ABLIM1: variants seen among roughly 807,000 people sequenced by gnomAD.
ABLIM1 encodes the protein actin-binding LIM protein 1.
Under a neutral mutation model 107.0 loss-of-function variants are expected in ABLIM1, and 40 were observed. The observed-to-expected ratio is 0.37, with a 90% CI of 0.29 to 0.49. ABLIM1 has a LOEUF of 0.49. Among genes scored for constraint, ABLIM1 ranks in the 20% least tolerant of loss-of-function variants. The pLI is 0.97. For synonymous variants in ABLIM1, 357 were observed against 357.3 expected (o/e 1.00, Z 0.01); for missense variants, 857 against 1,008.5 (o/e 0.85, Z 2.04).
chr10:114,445,236 C>T (rs2139359677), intron 16 of ABLIM1, 76 bp downstream of exon 16: 1 of 1,337,776 alleles, frequency 7.5e-7, no homozygotes, highest in Non-Finnish European at 1.1e-6. Context: ...ATGGTTTATA[C>T]ATAGTAGTCA....
intron 1 of ABLIM1, among the ~76,000 whole-genome samples, chr10:114,720,637 A>T (rs553857904): frequency 6.6e-6 from 1 of 152,322 alleles, no homozygotes; most frequent in East Asian, 1.9e-4. Context: ...GACTTCCAGT[A>T]TCCTTTGAAT....
chr10:114,585,827 A>C (rs550320168), intron 2 of ABLIM1, among the ~76,000 whole-genome samples: 73 of 152,226 alleles, frequency 4.8e-4, no homozygotes, highest in Admixed American at 1.4e-3. Flanking sequence ...GACACAAAAC[A>C]ATGATTGACA....
At chr10:114,651,138 A>C (rs1276332456) in intron 1 of ABLIM1, among the ~76,000 whole-genome samples, 1 of 152,150 alleles carries the variant, frequency 6.6e-6, no homozygotes, top group Non-Finnish European at 1.5e-5. Flanking sequence ...GCAGGGGGAC[A>C]ATTTAATGCC....
chr10:114,571,011 A>C (rs1205480302), intron 4 of ABLIM1, among the ~76,000 whole-genome samples: 1 of 152,106 alleles, frequency 6.6e-6, no homozygotes, highest in Non-Finnish European at 1.5e-5. Context: ...CTCCACACCT[A>C]GGCTGATGCT....
chr10:114,681,930 G>C (rs905395488), intron 1 of ABLIM1, among the ~76,000 whole-genome samples: 22 of 152,236 alleles, frequency 1.4e-4, no homozygotes, highest in African/African-American at 3.9e-4. Context: ...AGTGGCAGCT[G>C]TGACTGCCTT....
At position 114,436,303 on chromosome 10, in the gene ABLIM1, A is replaced by C. The variant is rs1235615364; in HGVS notation, c.2294T>G (p.Leu765Arg). The C allele has an allele frequency of 1.2e-6, 2 of 1,613,970 alleles. No individual in the cohort carries two copies. The highest frequency in any genetic ancestry group is 1.7e-6 in the Non-Finnish European group (2 of 1,180,012). ...TTTCTTCATGTCGTTGCGTCTCCAAAGAGGTAACCTGTCAAACTCCTGTAT... is the reference window on the plus strand; with the variant it reads ...TTTCTTCATGTCGTTGCGTCTCCAACGAGGTAACCTGTCAAACTCCTGTAT... ...MSIQEFDRLP[L>R]WRRNDMKKKA... Residue 765 changes from leucine to arginine, a missense_variant, in exon 23 of 23, where the codon CTT (leucine) becomes CGT (arginine). Coordinates refer to ENST00000533213, the MANE Select transcript of ABLIM1 (RefSeq NM_002313.7).
In ABLIM1 at chr10:114,434,329, AC is replaced by A. The variant is rs1298624481; in HGVS notation, c.*1930del. On this transcript the variant is annotated 3_prime_UTR_variant, in exon 23 of 23. Coordinates refer to ENST00000533213, the MANE Select transcript of ABLIM1 (RefSeq NM_002313.7). ...CACACACACACACACACACACACAC[AC>A]GAGAGTAGTCCTCATTCAGTGCATA... The A allele has an allele frequency of 2.8e-5, 4 of 144,158 alleles. No individual in the cohort carries two copies. The highest frequency in any genetic ancestry group is 6.0e-5 in the Non-Finnish European group (4 of 66,656). 8.9% of individuals were successfully genotyped at this position (144,158 alleles called of 1,614,324 possible). A position where few individuals can be genotyped will look rare whatever the true frequency, so the allele number is the denominator to read the frequency against.
intron 1 of ABLIM1, among the ~76,000 whole-genome samples, chr10:114,745,258 GT>G (rs773733176): frequency 2.6e-4 from 39 of 152,146 alleles, no homozygotes; most frequent in Non-Finnish European, 4.9e-4. Flanking sequence ...TCCACAAATG[GT>G]TAACTTAAAA....
At chr10:114,796,026 G>C in the ABLIM1 span, among the ~76,000 whole-genome samples, 1 of 152,130 alleles carries the variant, frequency 6.6e-6, no homozygotes, top group African/African-American at 2.4e-5. Flanking sequence ...AGGAGGCCAA[G>C]ATATCCTCAG....
intron 16 of ABLIM1, among the ~76,000 whole-genome samples, chr10:114,444,624 T>C (rs540521112): frequency 1.5e-4 from 23 of 152,342 alleles, no homozygotes; most frequent in African/African-American, 5.5e-4. Flanking sequence ...TTTTGATTTA[T>C]ATCTATCTAG....
At chr10:114,785,645 T>C in the ABLIM1 span, among the ~76,000 whole-genome samples, 1 of 152,180 alleles carries the variant, frequency 6.6e-6, no homozygotes, top group South Asian at 2.1e-4. Context: ...CAATTATCTT[T>C]TTGGATTATA....
intron 1 of ABLIM1, among the ~76,000 whole-genome samples, chr10:114,767,614 C>T (rs2082928743): frequency 6.8e-6 from 1 of 147,058 alleles, no homozygotes; most frequent in Admixed American, 6.8e-5. Context: ...GGGGAATTTA[C>T]TTTTTTTTTT....
intron 15 of ABLIM1, 134 bp from the exon 16 acceptor site, chr10:114,445,537 C>T: frequency 1.4e-6 from 1 of 719,150 alleles, no homozygotes; most frequent in Non-Finnish European, 2.4e-6. Flanking sequence ...GTAAACAATA[C>T]AAGAGAAAAC....
At chr10:114,491,514 C>T (rs965281609) in intron 7 of ABLIM1, among the ~76,000 whole-genome samples, 35 of 152,032 alleles carry the variant, frequency 2.3e-4, no homozygotes, top group Admixed American at 1.0e-3. Flanking sequence ...TTCACTCTTC[C>T]CTCACATCCG....
chr10:114,444,413 A>G (rs1029519632), intron 16 of ABLIM1, among the ~76,000 whole-genome samples: 1 of 152,182 alleles, frequency 6.6e-6, no homozygotes, highest in African/African-American at 2.4e-5. Flanking sequence ...AAGAGCCAGG[A>G]GACCTCAGAA....
Position 114,673,713 on chromosome 10 carries a change from T to C in ABLIM1, c.64+10577A>G, listed in dbSNP as rs148024824. On this transcript the variant is annotated intron_variant, in intron 1 of 23. Transcript: ENST00000369256. ...CTCATGGTACCACAATTTATAATTA[T>C]GCAGTTGTCTGACTTCTCAAAAGCC... Among the ~76,000 whole-genome samples, 3 of 152,376 alleles carry C rather than the reference T, an allele frequency of 2.0e-5. No homozygotes were observed. The East Asian group carries it at 5.8e-4, about 29-fold the overall frequency.
intron 1 of ABLIM1, among the ~76,000 whole-genome samples, chr10:114,649,569 G>A (rs185549099): frequency 6.6e-6 from 1 of 151,870 alleles, no homozygotes; most frequent in African/African-American, 2.4e-5. Context: ...TTCTGCAAAG[G>A]GTTTCTCTAG....
intron 1 of ABLIM1, among the ~76,000 whole-genome samples, chr10:114,603,748 C>T (rs1443647152): frequency 6.6e-6 from 1 of 151,540 alleles, no homozygotes; most frequent in Non-Finnish European, 1.5e-5. Flanking sequence ...GAGGTCAGGA[C>T]TTCGAGACCA....
At position 114,638,610 on chromosome 10, in the gene ABLIM1, C is replaced by T. The variant is rs1566156135; in HGVS notation, c.244+19347G>A. Among the ~76,000 whole-genome samples, 3 of 149,306 alleles carry T rather than the reference C, an allele frequency of 2.0e-5. No homozygotes were observed. The Admixed American group carries it at 2.0e-4, about 10-fold the overall frequency. ...AGAGGTTGTTAAAGAGCCTCTCGTC[C>T]CATGCCCTGCCTACACACACACACA... On this transcript the variant is annotated intron_variant, in intron 1 of 22. Transcript: ENST00000533213.
Sources: allele counts gnomAD v4.1 joint callset (sites outside exome capture counted in the v4.1 genomes callset), GRCh38; gene constraint gnomAD v4.1.1; transcripts MANE v1.5; gene names NCBI Gene and HGNC (gene_info 2026-07-23, HGNC 2026-07-21).